The following PUM2 variants were observed in gnomAD, a reference collection of about 807,000 sequenced individuals.
PUM2 encodes the protein pumilio RNA binding family member 2.
PUM2 carries 57 observed loss-of-function variants against 124.5 expected under a neutral mutation model. That is an observed-to-expected ratio of 0.46 (90% CI 0.37 to 0.57). PUM2 has a LOEUF of 0.57. Ranked by LOEUF, PUM2 falls within the 20% of genes least tolerant of loss-of-function variation. The pLI is 0.00. For synonymous variants in PUM2, 460 were observed against 446.1 expected (o/e 1.03, Z -0.39); for missense variants, 1,065 against 1,290.6 (o/e 0.83, Z 2.68).
chr2:20,312,461 T>C (rs766380076), intron 3 of PUM2, 38 bp from the exon 4 acceptor site: 2 of 1,539,104 alleles, frequency 1.3e-6, no homozygotes, highest in Admixed American at 4.0e-5. Context: ...TACTTATACT[T>C]TTAAGTTAAA....
Position 20,283,459 on chromosome 2 carries a change from T to C in PUM2, c.1319A>G (p.Tyr440Cys), listed in dbSNP as rs745692310. Residue 440 changes from tyrosine (Y) to cysteine (C), a missense_variant, in exon 11 of 21, where the codon TAT (tyrosine) becomes TGT (cysteine). By Grantham distance (194) the Tyr-to-Cys change is radical. Transcript: ENST00000361078. ...CACTAAGGCACCAGTCTGATCATAATAGGCAGTTGGAGCTAGTACTTGATA... is the reference window on the plus strand; with the variant it reads ...CACTAAGGCACCAGTCTGATCATAACAGGCAGTTGGAGCTAGTACTTGATA... ...PGYQVLAPTA[Y>C]YDQTGALVVG... 2 of 1,613,878 alleles carry C rather than the reference T, an allele frequency of 1.2e-6. No homozygotes were observed. Among genetic ancestry groups the C allele is most frequent in the Non-Finnish European group, 1.7e-6 (2 of 1,179,884 alleles).
At chr2:20,318,718 T>A in intron 2 of PUM2, 73 bp from the exon 3 acceptor site, 1 of 1,025,758 alleles carries the variant, frequency 9.7e-7, no homozygotes, top group South Asian at 1.4e-5. Context: ...GTCTCAAACA[T>A]ATCACTGCTA....
chr2:20,334,663 T>C (rs1685610101), intron 1 of PUM2, among the ~76,000 whole-genome samples: 1 of 152,216 alleles, frequency 6.6e-6, no homozygotes, highest in South Asian at 2.1e-4. Context: ...TCTTCATATA[T>C]TAACATACAA....
Position 20,344,982 on chromosome 2 carries a change from C to CAAAAA in PUM2, c.-19+5610_-19+5614dup, listed in dbSNP as rs762460030. ...AGAGCAACGGAGGGAGACTCTGTCT[C>CAAAAA]AAAAAAAAAAAAAAAAAAAAAAGAA... is the stretch of plus-strand genomic sequence containing the variant. On this transcript the variant is annotated intron_variant, in intron 1 of 20. Transcript: ENST00000361078. 1.7e-3 allele frequency among the ~76,000 whole-genome samples: 111 copies of CAAAAA among 65,264 alleles called. 1 individual carries two copies. The highest frequency in any genetic ancestry group is 5.5e-3 in the East Asian group (9 of 1,626). The allele number at this position is 65,264 out of a possible 152,430, so 42.8% of individuals were successfully genotyped here.
At chr2:20,260,225 C>T (rs1263937915) in intron 15 of PUM2, 112 bp downstream of exon 15, 19 of 1,172,488 alleles carry the variant, frequency 1.6e-5, no homozygotes, top group Non-Finnish European at 2.1e-5. Flanking sequence ...TTATCCCTGG[C>T]TTATTATCTT....
chr2:20,308,925 C>T (rs1359192161), intron 5 of PUM2, among the ~76,000 whole-genome samples: 1 of 152,106 alleles, frequency 6.6e-6, no homozygotes, highest in Non-Finnish European at 1.5e-5. Context: ...TCACAAAGAA[C>T]AGTGTATTAA....
chr2:20,271,343 G>C (rs546295949), intron 13 of PUM2, among the ~76,000 whole-genome samples: 1 of 151,982 alleles, frequency 6.6e-6, no homozygotes, highest in Non-Finnish European at 1.5e-5. Flanking sequence ...ACAGGGTCTC[G>C]ATCTGTCATG....
chr2:20,267,746 G>A (rs966447797), intron 13 of PUM2, among the ~76,000 whole-genome samples: 21 of 152,150 alleles, frequency 1.4e-4, no homozygotes, highest in African/African-American at 5.1e-4. Context: ...AAAAGGTATG[G>A]GACATGCAGC....
chr2:20,298,252 AG>A (rs1183972965), intron 7 of PUM2, among the ~76,000 whole-genome samples: 1 of 152,202 alleles, frequency 6.6e-6, no homozygotes, highest in Non-Finnish European at 1.5e-5. Flanking sequence ...AAAATGAATG[AG>A]GTATAGTGTA....
chr2:20,346,599 A>G (rs1040822076), intron 1 of PUM2, among the ~76,000 whole-genome samples: 3 of 152,242 alleles, frequency 2.0e-5, no homozygotes, highest in Admixed American at 6.5e-5. Context: ...TTTGAGATCC[A>G]GAACTTCTTA....
chr2:20,317,360 G>C (rs1558632235), intron 3 of PUM2, among the ~76,000 whole-genome samples: 1 of 152,060 alleles, frequency 6.6e-6, no homozygotes, highest in Non-Finnish European at 1.5e-5. Flanking sequence ...TTAAAGATCT[G>C]CTCCCTTTCT....
At chr2:20,306,741 G>A (rs560668766) in intron 7 of PUM2, among the ~76,000 whole-genome samples, 5 of 151,598 alleles carry the variant, frequency 3.3e-5, no homozygotes, top group African/African-American at 7.3e-5. Flanking sequence ...CCAAGTAGAC[G>A]GGATTACAGA....
At chr2:20,281,242 G>C (rs1671448022) in intron 12 of PUM2, among the ~76,000 whole-genome samples, 1 of 152,162 alleles carries the variant, frequency 6.6e-6, no homozygotes, top group Non-Finnish European at 1.5e-5. Context: ...ATTGGAGTCA[G>C]AATTAAGTAA....
At position 20,259,385 on chromosome 2, in the gene PUM2, A is replaced by C. The variant is rs542542446; in HGVS notation, c.2355+952T>G. On this transcript the variant is annotated intron_variant, in intron 15 of 20. Transcript: ENST00000361078. ...CCATCACTATCACTATTTGTTTCCA[A>C]ATCTTTTCCGTGGCCTCAAACACAA... is the stretch of plus-strand genomic sequence containing the variant. 2.0e-5 allele frequency among the ~76,000 whole-genome samples: 3 copies of C among 152,314 alleles called. No individual in the cohort carries two copies. In the South Asian group the frequency reaches 6.2e-4, roughly 32 times the overall value.
At chr2:20,300,881 G>T (rs1488945648) in intron 7 of PUM2, among the ~76,000 whole-genome samples, 1 of 151,634 alleles carries the variant, frequency 6.6e-6, no homozygotes, top group African/African-American at 2.4e-5. Context: ...CAAAGTCATC[G>T]CTCTGCTCAC....
In PUM2 at chr2:20,350,817, T is replaced by G. The variant is rs962872701; in HGVS notation, c.-239A>C. 1.4e-5 allele frequency: 14 copies of G among 965,924 alleles called. No individual in the cohort carries two copies. The Admixed American group carries it at 6.0e-4, about 41-fold the overall frequency. The allele number at this position is 965,924 out of a possible 1,614,324, so 59.8% of individuals were successfully genotyped here. ...TGAGACACAGAGACTCACAACAACATGGCTGCCACCGCCGCCTGCCCTCCC... is the reference window on the plus strand; with the variant it reads ...TGAGACACAGAGACTCACAACAACAGGGCTGCCACCGCCGCCTGCCCTCCC... On this transcript the variant is annotated 5_prime_UTR_variant, in exon 1 of 21. The change abolishes an upstream ATG in the 5' untranslated region. Transcript: ENST00000361078.
intron 5 of PUM2, among the ~76,000 whole-genome samples, chr2:20,310,693 C>T (rs1220225253): frequency 6.6e-6 from 1 of 151,634 alleles, no homozygotes; most frequent in Non-Finnish European, 1.5e-5. Context: ...TAAAAGTATA[C>T]CACCCACCAT....
Position 20,294,505 on chromosome 2 carries a change from A to C in PUM2, c.1023T>G (p.Val341=). The change falls in exon 9 of 21, where the codon GTT becomes GTG. Residue 341 remains valine (V), a synonymous_variant. Coordinates refer to ENST00000361078, the MANE Select transcript of PUM2 (RefSeq NM_015317.5). ...ATGGAACGCCGTAATACTGAGGTGG[A>C]ACCACTGCTGGACCTAAACCCCACA... The part of the protein sequence containing the change: ...AAATLAGPAV[V]PPQYYGVPWG... 1.2e-6 allele frequency: 2 copies of C among 1,613,708 alleles called. No individual in the cohort carries two copies. Among genetic ancestry groups the C allele is most frequent in the Non-Finnish European group, 1.7e-6 (2 of 1,179,872 alleles).
intron 14 of PUM2, 37 bp from the exon 15 acceptor site, chr2:20,260,503 T>C: frequency 6.4e-7 from 1 of 1,550,590 alleles, no homozygotes; most frequent in Non-Finnish European, 8.9e-7. Flanking sequence ...CAATATGTTT[T>C]TTAATACACT....
Sources: gnomAD v4.1 joint callset for allele counts (sites outside exome capture counted in the v4.1 genomes callset) on GRCh38, gnomAD v4.1.1 for gene constraint, MANE v1.5 for transcripts, NCBI Gene and HGNC (gene_info 2026-07-23, HGNC 2026-07-21) for gene names.